Variants in IFT43 observed in about 807,000 individuals in gnomAD.
IFT43 encodes the protein intraflagellar transport 43.
Under a neutral mutation model 32.3 loss-of-function variants are expected in IFT43, and 33 were observed. The ratio of observed to expected loss-of-function variants is 1.02; its 90% CI spans 0.77 to 1.37. The LOEUF (loss-of-function observed/expected upper bound fraction) is 1.37. Ranked by LOEUF, IFT43 falls within the 40% of genes most tolerant of loss-of-function variation. The pLI is 0.00. For synonymous variants in IFT43, 93 were observed against 98.2 expected (o/e 0.95, Z 0.31); for missense variants, 274 against 265.9 (o/e 1.03, Z -0.21).
At chr14:76,033,474 G>A (rs902493539) in intron 3 of IFT43, among the ~76,000 whole-genome samples, 1 of 152,194 alleles carries the variant, frequency 6.6e-6, no homozygotes, top group African/African-American at 2.4e-5. Flanking sequence ...GAGGAGGGTT[G>A]AGGGGAATGG....
chr14:76,053,547 G>A (rs2140038679), intron 3 of IFT43, among the ~76,000 whole-genome samples: 1 of 152,304 alleles, frequency 6.6e-6, no homozygotes, highest in African/African-American at 2.4e-5. Flanking sequence ...CTTCGTGGCT[G>A]AGCATTGTAG....
intron 2 of IFT43, among the ~76,000 whole-genome samples, chr14:76,005,953 A>G (rs1016078901): frequency 4.0e-5 from 6 of 151,536 alleles, no homozygotes; most frequent in Non-Finnish European, 8.8e-5. Flanking sequence ...GACTGTTTCA[A>G]CATACACTTT....
chr14:76,067,663 G>C (rs143678605), intron 5 of IFT43, among the ~76,000 whole-genome samples: 1 of 152,230 alleles, frequency 6.6e-6, no homozygotes, highest in African/African-American at 2.4e-5. Context: ...ATCAGAGGTG[G>C]CTTTGGGATC....
At chr14:76,042,565 T>C (rs2036727231) in intron 3 of IFT43, among the ~76,000 whole-genome samples, 4 of 152,134 alleles carry the variant, frequency 2.6e-5, no homozygotes, top group Admixed American at 2.0e-4. Context: ...CTCTGCAGAG[T>C]TGTGCTCCAG....
At chr14:76,061,462 C>A (rs570450063) in intron 5 of IFT43, among the ~76,000 whole-genome samples, 1 of 152,272 alleles carries the variant, frequency 6.6e-6, no homozygotes. Context: ...AGTTTGTATG[C>A]CCACACAATT....
At chr14:75,999,246 TATATATATATATATATATATATATA>T (rs2035812463) in intron 2 of IFT43, among the ~76,000 whole-genome samples, 1 of 10,376 alleles carries the variant, frequency 9.6e-5, no homozygotes, top group African/African-American at 4.0e-4. Flanking sequence ...TATATATATA[TATATATATATATATATATATATATA>T]TGTATATATA....
At chr14:76,032,662 C>T (rs2139986224) in intron 3 of IFT43, among the ~76,000 whole-genome samples, 1 of 152,280 alleles carries the variant, frequency 6.6e-6, no homozygotes, top group Non-Finnish European at 1.5e-5. Context: ...ATAATAAGCA[C>T]TCGGTGACTA....
chr14:76,032,692 A>G (rs894800326), intron 3 of IFT43, among the ~76,000 whole-genome samples: 1 of 152,220 alleles, frequency 6.6e-6, no homozygotes, highest in African/African-American at 2.4e-5. Flanking sequence ...CATATGAATG[A>G]TCAGATCAGT....
At chr14:76,058,934 C>T in intron 4 of IFT43, 2 of 1,442,444 alleles carry the variant, frequency 1.4e-6, no homozygotes, top group Non-Finnish European at 1.8e-6. Flanking sequence ...GGGTACTGGC[C>T]CATGCCTTCT....
At chr14:76,054,863 T>G (rs920684625) in intron 3 of IFT43, among the ~76,000 whole-genome samples, 2 of 152,228 alleles carry the variant, frequency 1.3e-5, no homozygotes, top group African/African-American at 4.8e-5. Flanking sequence ...ATGAAGTGTC[T>G]CTGAAGAGGT....
chr14:76,046,918 T>C (rs1225824121), intron 3 of IFT43, among the ~76,000 whole-genome samples: 2 of 152,222 alleles, frequency 1.3e-5, no homozygotes, highest in African/African-American at 4.8e-5. Flanking sequence ...CTCACAGTTC[T>C]GGAGTCTGGG....
chr14:76,058,110 T>G (rs923723815), intron 3 of IFT43: 10 of 191,566 alleles, frequency 5.2e-5, no homozygotes, highest in African/African-American at 1.9e-4. Flanking sequence ...TAGATACGCG[T>G]GTATCAGCCA....
chr14:76,006,099 A>G (rs766415754), intron 2 of IFT43, among the ~76,000 whole-genome samples: 3 of 152,168 alleles, frequency 2.0e-5, no homozygotes, highest in Non-Finnish European at 4.4e-5. Flanking sequence ...AAGTGTTCTG[A>G]CATTAGTGGT....
intron 3 of IFT43, among the ~76,000 whole-genome samples, chr14:76,023,002 A>G (rs1011791748): frequency 8.5e-5 from 13 of 152,220 alleles, no homozygotes; most frequent in East Asian, 3.8e-4. Context: ...ATGAATATTT[A>G]TACCATAACC....
intron 1 of IFT43, chr14:75,986,208 C>T (rs550743910): frequency 1.5e-6 from 2 of 1,307,902 alleles, no homozygotes; most frequent in Non-Finnish European, 1.0e-6. Context: ...CGCTCCCATC[C>T]TAGAGTTTTT....
intron 3 of IFT43, among the ~76,000 whole-genome samples, chr14:76,046,597 C>T (rs2036813299): frequency 6.6e-6 from 1 of 152,208 alleles, no homozygotes; most frequent in Admixed American, 6.5e-5. Context: ...GGACAACCAT[C>T]ACCACAATAA....
At chr14:76,008,727 G>A (rs1237317175) in intron 2 of IFT43, among the ~76,000 whole-genome samples, 3 of 152,148 alleles carry the variant, frequency 2.0e-5, no homozygotes. Context: ...CTGTTGATAT[G>A]TGGAAAATAT....
intron 2 of IFT43, among the ~76,000 whole-genome samples, chr14:76,008,967 A>G (rs528721949): frequency 2.0e-5 from 3 of 152,212 alleles, no homozygotes; most frequent in African/African-American, 7.2e-5. Context: ...CTTATTGAAC[A>G]TATTTGTATC....
chr14:76,065,378 G>A (rs148631698), intron 5 of IFT43, among the ~76,000 whole-genome samples: 2 of 152,072 alleles, frequency 1.3e-5, no homozygotes, highest in Non-Finnish European at 2.9e-5. Flanking sequence ...TACAATAAAC[G>A]ATATCCTTAT....
Sources: allele counts gnomAD v4.1 joint callset (sites outside exome capture counted in the v4.1 genomes callset), GRCh38; gene constraint gnomAD v4.1.1; transcripts MANE v1.5; gene names NCBI Gene and HGNC (gene_info 2026-07-23, HGNC 2026-07-21).